GON4L: variants seen among roughly 807,000 people sequenced by gnomAD.
The protein encoded by GON4L is GON-4-like protein.
Under a neutral mutation model 211.8 loss-of-function variants are expected in GON4L, and 87 were observed. The ratio of observed to expected loss-of-function variants is 0.41; its 90% CI spans 0.35 to 0.49. GON4L has a LOEUF of 0.49. Among genes scored for constraint, GON4L ranks in the 20% least tolerant of loss-of-function variants. The pLI is 0.15. For synonymous variants in GON4L, 875 were observed against 962.6 expected (o/e 0.91, Z 1.68); for missense variants, 2,155 against 2,659.5 (o/e 0.81, Z 4.17).
rs1661886594 is a variant in GON4L at position 155,762,223 on chromosome 1, C to G, written c.4878G>C (p.Lys1626Asn). The G allele has an allele frequency of 6.2e-7, 1 of 1,609,994 alleles. No homozygotes were observed. The highest frequency in any genetic ancestry group is 1.7e-5 in the Admixed American group (1 of 59,396). Residue 1626 changes from lysine (K) to asparagine (N), a missense_variant, in exon 23 of 32, where the codon AAG becomes AAC. Coordinates refer to ENST00000368331, the MANE Select transcript of GON4L (RefSeq NM_001282860.2). ...ILERDPLREQ[K>N]DLAFAQAYLT... The stretch of plus-strand genomic sequence containing the variant: ...GATAAGCTTGGGCAAAGGCCAAGTC[C>G]TTCTGCTCCCTGAGTGGATCTCGCT...
At chr1:155,821,616 T>G in intron 4 of GON4L, 68 bp from the exon 5 acceptor site, 1 of 891,760 alleles carries the variant, frequency 1.1e-6, no homozygotes, top group Non-Finnish European at 1.9e-6. Flanking sequence ...CATCTCTCCA[T>G]GTAACTGTCA....
chr1:155,831,321 AT>A (rs759823130), intron 2 of GON4L, among the ~76,000 whole-genome samples: 3 of 152,056 alleles, frequency 2.0e-5, no homozygotes, highest in Non-Finnish European at 4.4e-5. Context: ...GTGTGGCTTC[AT>A]GCCTGTAATT....
chr1:155,815,404 C>T (rs1348498608), intron 8 of GON4L, among the ~76,000 whole-genome samples: 2 of 151,762 alleles, frequency 1.3e-5, no homozygotes, highest in Admixed American at 1.3e-4. Flanking sequence ...TGTAGAGATA[C>T]ATATTGAGGT....
At chr1:155,810,773 C>T (rs1313744018) in intron 10 of GON4L, among the ~76,000 whole-genome samples, 1 of 151,682 alleles carries the variant, frequency 6.6e-6, no homozygotes, top group African/African-American at 2.4e-5. Flanking sequence ...AATCCCAGCA[C>T]TTAGGAGGTT....
chr1:155,768,496 A>G (rs762432520), intron 19 of GON4L, among the ~76,000 whole-genome samples: 18 of 151,410 alleles, frequency 1.2e-4, no homozygotes, highest in Admixed American at 2.0e-4. Context: ...CTGTAGTCCC[A>G]GCTACTCAGG....
At chr1:155,856,647 T>G (rs540634237) in intron 1 of GON4L, among the ~76,000 whole-genome samples, 2 of 148,738 alleles carry the variant, frequency 1.3e-5, no homozygotes, top group African/African-American at 2.6e-5. Flanking sequence ...CAATAAAACA[T>G]GAAGATTTCG....
At chr1:155,769,230 C>A (rs1662902079) in intron 19 of GON4L, among the ~76,000 whole-genome samples, 1 of 152,104 alleles carries the variant, frequency 6.6e-6, no homozygotes, top group African/African-American at 2.4e-5. Flanking sequence ...CCTGCCTCAG[C>A]CTCCCAAAGA....
intron 11 of GON4L, among the ~76,000 whole-genome samples, chr1:155,801,183 G>A (rs1666628134): frequency 6.6e-6 from 1 of 150,576 alleles, no homozygotes; most frequent in Non-Finnish European, 1.5e-5. Context: ...TCTGAACCTG[G>A]TAGAAACAGG....
At chr1:155,767,191 T>G in intron 20 of GON4L, 1 of 1,048,584 alleles carries the variant, frequency 9.5e-7, no homozygotes, top group Non-Finnish European at 1.4e-6. Context: ...TTATACACTT[T>G]AGAAACTTCT....
intron 19 of GON4L, among the ~76,000 whole-genome samples, chr1:155,767,880 C>A (rs1662700437): frequency 6.6e-6 from 1 of 152,084 alleles, no homozygotes; most frequent in Non-Finnish European, 1.5e-5. Context: ...AAGATTTGTT[C>A]TTGATCAACA....
At chr1:155,795,539 G>A (rs1461459760) in intron 11 of GON4L, among the ~76,000 whole-genome samples, 1 of 152,228 alleles carries the variant, frequency 6.6e-6, no homozygotes, top group Non-Finnish European at 1.5e-5. Context: ...AAATAGTACA[G>A]GTTGAGCATT....
intron 10 of GON4L, among the ~76,000 whole-genome samples, chr1:155,812,506 G>A (rs528753483): frequency 4.6e-5 from 7 of 151,426 alleles, no homozygotes; most frequent in South Asian, 4.2e-4. Flanking sequence ...TGGGACAACA[G>A]ATAAAACCAG....
Position 155,846,941 on chromosome 1 carries a change from G to A in GON4L, c.505+6335C>T, listed in dbSNP as rs564357293. Among the ~76,000 whole-genome samples, 135 of 152,208 alleles carry A rather than the reference G, an allele frequency of 8.9e-4. 1 individual carries two copies. The highest frequency in any genetic ancestry group is 2.4e-3 in the African/African-American group (101 of 41,524). On this transcript the variant is annotated intron_variant, in intron 2 of 31. Coordinates refer to ENST00000368331, the MANE Select transcript of GON4L (RefSeq NM_001282860.2). ...CAGAAGAATCGCTTCAACCGAGCAG[G>A]GGCCATTGAGGTTGTGCCATTGCAC...
At chr1:155,824,274 T>C (rs1254387782) in intron 3 of GON4L, among the ~76,000 whole-genome samples, 1 of 140,510 alleles carries the variant, frequency 7.1e-6, no homozygotes, top group Admixed American at 7.1e-5. Context: ...AAAAAAAAAA[T>C]AATACAAAAA....
At chr1:155,805,196 ATCAC>A in intron 10 of GON4L, 55 bp from the exon 11 acceptor site, 1 of 1,135,786 alleles carries the variant, frequency 8.8e-7, no homozygotes, top group South Asian at 1.2e-5. Flanking sequence ...AAACCTCATC[ATCAC>A]TCCTTTTCTT....
Position 155,826,837 on chromosome 1 carries a change from C to T in GON4L, c.697G>A (p.Glu233Lys), listed in dbSNP as rs1282342990. 1.9e-6 allele frequency: 3 copies of T among 1,594,732 alleles called. No individual in the cohort carries two copies. The highest frequency in any genetic ancestry group is 4.5e-5 in the East Asian group (2 of 44,796). The change falls in exon 3 of 32, where the codon GAA becomes AAA. Residue 233 changes from glutamate to lysine, a missense_variant and splice_region_variant. Around this residue, in one of 6 missense-constraint regions of GON4L, gnomAD observed 313 missense variants for 293.2 expected, o/e 1.07. Transcript: ENST00000368331. ...IEDGGLFIPM[E>K]EQDNEESEKR... ...AATTAAAAAGAAAAAGAAAGCCTAC[C>T]CATTGGAATGAAGAGTCCACCATCT... is the stretch of plus-strand genomic sequence containing the variant.
chr1:155,829,440 T>C (rs933544187), intron 2 of GON4L, among the ~76,000 whole-genome samples: 15 of 152,052 alleles, frequency 9.9e-5, no homozygotes, highest in African/African-American at 3.6e-4. Flanking sequence ...ACCTCGTCTC[T>C]ACTAAAATAC....
At chr1:155,855,457 A>G (rs566269824) in intron 1 of GON4L, among the ~76,000 whole-genome samples, 25 of 152,182 alleles carry the variant, frequency 1.6e-4, no homozygotes, top group African/African-American at 5.8e-4. Context: ...CCTGGGCTCA[A>G]GCAATGCTCC....
At chr1:155,748,248 G>T, downstream of GON4L, 1 of 1,241,022 alleles carries the variant, frequency 8.1e-7, no homozygotes, top group Middle Eastern at 2.8e-4. Context: ...GCTGTGATGT[G>T]GCCTCTCAGA....
Sources: gnomAD v4.1 joint callset for allele counts (sites outside exome capture counted in the v4.1 genomes callset) on GRCh38, gnomAD v4.1.1 for gene constraint, gnomAD v4.1.1 regional missense constraint, MANE v1.5 for transcripts, NCBI Gene and HGNC (gene_info 2026-07-23, HGNC 2026-07-21) for gene names.